Variants in SLC5A1 observed in about 807,000 individuals in gnomAD.
SLC5A1 encodes the protein sodium/glucose cotransporter 1.
A neutral mutation model predicts 73.5 loss-of-function variants in SLC5A1; 42 were observed. The ratio of observed to expected loss-of-function variants is 0.57; its 90% CI spans 0.45 to 0.74. The LOEUF is 0.74. Among genes scored for constraint, SLC5A1 ranks in the 30% least tolerant of loss-of-function variants. The pLI, the probability that SLC5A1 is intolerant of heterozygous loss-of-function variation, is 0.00. For missense variants in SLC5A1, 634 were observed against 855.4 expected (o/e 0.74, Z 3.23); for synonymous variants, 300 against 317.4 (o/e 0.95, Z 0.58).
chr22:32,095,697 C>T (rs2094025168), intron 11 of SLC5A1, among the ~76,000 whole-genome samples: 1 of 152,194 alleles, frequency 6.6e-6, no homozygotes, highest in Non-Finnish European at 1.5e-5. Flanking sequence ...TATCCACTTG[C>T]ATGGGATGTC....
chr22:32,091,580 T>C (rs201603948), intron 10 of SLC5A1, 32 bp from the exon 11 acceptor site: 1 of 1,613,482 alleles, frequency 6.2e-7, no homozygotes, highest in African/African-American at 1.3e-5. Flanking sequence ...GAAGGTGCTG[T>C]TATGTGCCAC....
intron 13 of SLC5A1, 80 bp from the exon 14 acceptor site, chr22:32,104,706 C>A (rs541875909): frequency 4.8e-4 from 471 of 983,200 alleles, no homozygotes; most frequent in Non-Finnish European, 7.2e-4. Flanking sequence ...TTCCTTGATG[C>A]ATATCTCTTT....
At chr22:32,056,570 G>A (rs989207025) in intron 2 of SLC5A1, among the ~76,000 whole-genome samples, 3 of 150,346 alleles carry the variant, frequency 2.0e-5, no homozygotes, top group African/African-American at 4.9e-5. Context: ...TGTATATCTC[G>A]TGTTCTGATT....
chr22:32,075,739 G>C (rs2093989882), intron 5 of SLC5A1, among the ~76,000 whole-genome samples: 1 of 152,084 alleles, frequency 6.6e-6, no homozygotes, highest in African/African-American at 2.4e-5. Context: ...TGAAGGATCT[G>C]AAGGAGGGAC....
intron 5 of SLC5A1, among the ~76,000 whole-genome samples, chr22:32,072,828 A>C (rs369891283): frequency 6.6e-6 from 1 of 152,314 alleles, no homozygotes; most frequent in African/African-American, 2.4e-5. Context: ...TTTCCCTTTT[A>C]CATTATTACC....
intron 11 of SLC5A1, 40 bp from the exon 12 acceptor site, chr22:32,099,143 G>C: frequency 2.0e-6 from 2 of 1,022,130 alleles, no homozygotes; most frequent in Non-Finnish European, 1.5e-6. Flanking sequence ...CTCATGTAGA[G>C]CTATTTATTG....
chr22:32,098,289 CAT>C (rs2094029622), intron 11 of SLC5A1, among the ~76,000 whole-genome samples: 1 of 152,186 alleles, frequency 6.6e-6, no homozygotes, highest in African/African-American at 2.4e-5. Context: ...GTATTGTACA[CAT>C]GATCATATAT....
chr22:32,084,206 G>A (rs2094004340), intron 7 of SLC5A1, among the ~76,000 whole-genome samples: 1 of 152,276 alleles, frequency 6.6e-6, no homozygotes, highest in African/African-American at 2.4e-5. Context: ...ACTTTTACAA[G>A]TGATTGCTTT....
intron 10 of SLC5A1, among the ~76,000 whole-genome samples, chr22:32,087,803 A>T (rs1330701323): frequency 2.0e-5 from 3 of 152,304 alleles, no homozygotes; most frequent in African/African-American, 7.2e-5. Flanking sequence ...TGTATTACTG[A>T]AAAGAAACTT....
chr22:32,078,649 TTTGTTGCTAA>T (rs2093994632), intron 5 of SLC5A1, among the ~76,000 whole-genome samples: 2 of 152,150 alleles, frequency 1.3e-5, no homozygotes, highest in Admixed American at 1.3e-4. Context: ...AAACTTTTTC[TTTGTTGCTAA>T]AAAAGACCTT....
chr22:32,111,914 G>C lies in SLC5A1; in HGVS notation c.*1701G>C, dbSNP rs532925658. On this transcript the variant is annotated 3_prime_UTR_variant, in exon 15 of 15. Coordinates refer to ENST00000266088, the MANE Select transcript of SLC5A1 (RefSeq NM_000343.4). The stretch of plus-strand genomic sequence containing the variant: ...AAAACATCGTTATCCATTCCCAGAA[G>C]TTTTGGAAGAGCCTTGGTAGAAAAG... 13 of 152,270 alleles carry C rather than the reference G, an allele frequency of 8.5e-5. No individual in the cohort carries two copies. Among genetic ancestry groups the C allele is most frequent in the African/African-American group, 3.1e-4 (13 of 41,554 alleles). 9.4% of individuals were successfully genotyped at this position (152,270 alleles called of 1,614,324 possible). A position where few individuals can be genotyped will look rare whatever the true frequency, so the allele number is the denominator to read the frequency against.
chr22:32,103,413 A>G (rs925762436), intron 13 of SLC5A1, among the ~76,000 whole-genome samples: 2 of 152,242 alleles, frequency 1.3e-5, no homozygotes, highest in African/African-American at 4.8e-5. Context: ...TTCACGTGGA[A>G]GGATACATGC....
chr22:32,055,776 G>A lies in SLC5A1; in HGVS notation c.207+5762G>A, dbSNP rs56131484. On this transcript the variant is annotated intron_variant, in intron 2 of 14. Transcript: ENST00000266088. ...TACAAACCTCACAGAACTGTAGTGGGCATTAAATAAGAAAAAGCAAATGAA... is the reference window on the plus strand; with the variant it reads ...TACAAACCTCACAGAACTGTAGTGGACATTAAATAAGAAAAAGCAAATGAA... Among the ~76,000 whole-genome samples the A allele has an allele frequency of 7.0e-3, 1,064 of 152,254 alleles. 13 individuals carry two copies. The highest frequency in any genetic ancestry group is 0.024 in the African/African-American group (990 of 41,522).
At chr22:32,086,704 A>G (rs1047148517) in intron 10 of SLC5A1, among the ~76,000 whole-genome samples, 4 of 152,198 alleles carry the variant, frequency 2.6e-5, no homozygotes, top group Non-Finnish European at 5.9e-5. Context: ...TCAAAAAATT[A>G]AAAATAGAAC....
chr22:32,046,849 C>G (rs2093937824), intron 1 of SLC5A1, among the ~76,000 whole-genome samples: 1 of 152,190 alleles, frequency 6.6e-6, no homozygotes, highest in Non-Finnish European at 1.5e-5. Context: ...GGAGTTCATT[C>G]TCTTGTAGTT....
chr22:32,108,140 TC>T (rs1185852048), intron 14 of SLC5A1, among the ~76,000 whole-genome samples: 1 of 150,000 alleles, frequency 6.7e-6, no homozygotes, highest in African/African-American at 2.5e-5. Context: ...AGAGTCTCAC[TC>T]TGTCACCCAG....
intron 5 of SLC5A1, among the ~76,000 whole-genome samples, chr22:32,078,954 CAAAAAAAAA>C (rs6147589): frequency 2.1e-4 from 23 of 109,102 alleles, no homozygotes; most frequent in Non-Finnish European, 2.7e-4. Context: ...ACTCTGTCTC[CAAAAAAAAA>C]AAAAAAAAAA....
intron 13 of SLC5A1, among the ~76,000 whole-genome samples, 193 bp from the exon 14 acceptor site, chr22:32,104,593 T>C (rs1234556079): frequency 6.6e-6 from 1 of 152,232 alleles, no homozygotes; most frequent in African/African-American, 2.4e-5. Context: ...TATATACATG[T>C]ATATTACTTT....
chr22:32,064,162 G>A (rs1356636666), intron 2 of SLC5A1, among the ~76,000 whole-genome samples: 1 of 152,168 alleles, frequency 6.6e-6, no homozygotes, highest in Admixed American at 6.5e-5. Context: ...TAGTGGGTCA[G>A]GGCAGGTAGG....
Sources: gnomAD v4.1 joint callset for allele counts (sites outside exome capture counted in the v4.1 genomes callset) on GRCh38, gnomAD v4.1.1 for gene constraint, MANE v1.5 for transcripts, NCBI Gene and HGNC (gene_info 2026-07-23, HGNC 2026-07-21) for gene names.